Variants in WFDC8 observed in about 807,000 individuals in gnomAD.
WFDC8 encodes the protein WAP four-disulfide core domain protein 8.
A neutral mutation model predicts 27.0 loss-of-function variants in WFDC8; 24 were observed. The observed-to-expected ratio is 0.89, with a 90% CI of 0.64 to 1.25. The LOEUF (loss-of-function observed/expected upper bound fraction) is 1.25, where lower values mean the gene tolerates loss of function less well. Among genes scored for constraint, WFDC8 ranks in the 50% most tolerant of loss-of-function variants. The pLI is 0.00. For synonymous variants in WFDC8, 106 were observed against 99.7 expected (o/e 1.06, Z -0.38); for missense variants, 287 against 295.9 (o/e 0.97, Z 0.22).
intron 1 of WFDC8, among the ~76,000 whole-genome samples, chr20:45,566,846 T>C (rs1447379542): frequency 2.0e-5 from 3 of 152,266 alleles, no homozygotes; most frequent in East Asian, 3.9e-4. Flanking sequence ...CCAGGAACTC[T>C]CATGGATACC....
At chr20:45,566,636 C>T (rs1450345511) in intron 1 of WFDC8, among the ~76,000 whole-genome samples, 1 of 152,060 alleles carries the variant, frequency 6.6e-6, no homozygotes, top group Non-Finnish European at 1.5e-5. Flanking sequence ...GCACTCCAGC[C>T]TGGGCAACAG....
chr20:45,561,941 A>G (rs990515298), intron 2 of WFDC8, among the ~76,000 whole-genome samples, 169 bp downstream of exon 2: 3 of 152,110 alleles, frequency 2.0e-5, no homozygotes, highest in African/African-American at 7.2e-5. Context: ...TGGGGGGAGC[A>G]AGTAAGGAAA....
chr20:45,558,965 C>G lies in WFDC8; in HGVS notation c.164G>C (p.Arg55Thr). 3.1e-6 allele frequency: 5 copies of G among 1,614,164 alleles called. No homozygotes were observed. The highest frequency in any genetic ancestry group is 1.1e-5 in the South Asian group (1 of 91,076). ...CGGAAGTTCAGTGGTACAGGTGAGC[C>G]TCTCTTTGGGACATAACCCTGGTTT... ...KHKPGLCPKE[R>T]LTCTTELPDS... Residue 55 changes from arginine to threonine, a missense_variant, in exon 3 of 6, where the codon AGG becomes ACG. Coordinates refer to ENST00000289953, the MANE Select transcript of WFDC8 (RefSeq NM_130896.3).
intron 1 of WFDC8, among the ~76,000 whole-genome samples, chr20:45,571,419 AT>A (rs1193918680): frequency 1.6e-4 from 24 of 152,346 alleles, no homozygotes; most frequent in African/African-American, 5.8e-4. Flanking sequence ...GTATGTACAC[AT>A]TGCGGAATGG....
intron 1 of WFDC8, among the ~76,000 whole-genome samples, chr20:45,565,875 G>C (rs1261129072): frequency 6.6e-6 from 1 of 152,128 alleles, no homozygotes; most frequent in Non-Finnish European, 1.5e-5. Flanking sequence ...GACTGACTTT[G>C]CCAATTAGTT....
chr20:45,576,609 G>A (rs984635023), intron 1 of WFDC8, among the ~76,000 whole-genome samples: 6 of 151,068 alleles, frequency 4.0e-5, no homozygotes, highest in African/African-American at 1.2e-4. Context: ...TGTTGCCTAG[G>A]CTGGTCTTGA....
chr20:45,579,096 C>G, intron 1 of WFDC8, 126 bp downstream of exon 1: 1 of 868,122 alleles, frequency 1.2e-6, no homozygotes, highest in Non-Finnish European at 1.9e-6. Flanking sequence ...TTCTGTGGAA[C>G]CCCTCCTCAC....
chr20:45,560,487 C>T (rs1980427203), intron 2 of WFDC8, among the ~76,000 whole-genome samples: 1 of 152,184 alleles, frequency 6.6e-6, no homozygotes, highest in Non-Finnish European at 1.5e-5. Context: ...AATGTGTCTC[C>T]ATGATTCTAA....
chr20:45,570,324 A>T (rs1273975927), intron 1 of WFDC8, among the ~76,000 whole-genome samples: 4 of 152,224 alleles, frequency 2.6e-5, no homozygotes, highest in African/African-American at 9.6e-5. Flanking sequence ...AAATTTTCTA[A>T]CTGTTAAAGA....
intron 3 of WFDC8, among the ~76,000 whole-genome samples, chr20:45,558,170 A>G (rs1052239534): frequency 2.6e-5 from 4 of 152,172 alleles, no homozygotes; most frequent in African/African-American, 9.7e-5. Context: ...GCTTTCTGAC[A>G]GCACCCAATC....
At chr20:45,573,285 AT>A (rs1160277904) in intron 1 of WFDC8, among the ~76,000 whole-genome samples, 1 of 152,032 alleles carries the variant, frequency 6.6e-6, no homozygotes, top group African/African-American at 2.4e-5. Flanking sequence ...TTTTGAGTTG[AT>A]TTTTTTAAAT....
At chr20:45,554,767 C>T (rs963469369) in intron 4 of WFDC8, among the ~76,000 whole-genome samples, 6 of 152,182 alleles carry the variant, frequency 3.9e-5, no homozygotes, top group Admixed American at 1.3e-4. Context: ...TTGCCTTGGC[C>T]GTTCAGGCCC....
intron 1 of WFDC8, among the ~76,000 whole-genome samples, chr20:45,562,492 T>C (rs1294412063): frequency 6.6e-6 from 1 of 151,990 alleles, no homozygotes; most frequent in African/African-American, 2.4e-5. Context: ...TGTTCCTGGG[T>C]AAAAGGCCAC....
intron 4 of WFDC8, among the ~76,000 whole-genome samples, chr20:45,554,619 G>A (rs1980171580): frequency 6.6e-6 from 1 of 152,118 alleles, no homozygotes; most frequent in Admixed American, 6.6e-5. Context: ...CCACAAACCA[G>A]CCCAAGCCCA....
chr20:45,564,961 GA>G (rs2145570654), intron 1 of WFDC8, among the ~76,000 whole-genome samples: 1 of 88,528 alleles, frequency 1.1e-5, no homozygotes, highest in African/African-American at 4.3e-5. Flanking sequence ...AGGAAGGAAG[GA>G]AGGAAAGAAA....
rs1981096513 is a variant in WFDC8 at position 45,577,799 on chromosome 20, GA to G, written c.26+1422del. Among the ~76,000 whole-genome samples the G allele has an allele frequency of 1.3e-5, 2 of 149,014 alleles. 1 individual carries two copies. The highest frequency in any genetic ancestry group is 3.0e-5 in the Non-Finnish European group (2 of 66,790). ...AGGCAGGCAGATCACCTGTGGTCAG[GA>G]GTTCAAGACTAGCCTGGCCAACACG... On this transcript the variant is annotated intron_variant, in intron 1 of 5. Coordinates refer to ENST00000289953, the MANE Select transcript of WFDC8 (RefSeq NM_130896.3).
At chr20:45,564,752 G>T (rs1272777216) in intron 1 of WFDC8, among the ~76,000 whole-genome samples, 3 of 151,726 alleles carry the variant, frequency 2.0e-5, no homozygotes, top group East Asian at 3.9e-4. Context: ...TGAGCTGGGA[G>T]AATCACTTGA....
intron 5 of WFDC8, 79 bp downstream of exon 5, chr20:45,553,057 C>T: frequency 6.6e-7 from 1 of 1,521,502 alleles, no homozygotes; most frequent in South Asian, 1.3e-5. Flanking sequence ...AGGTTCAAGA[C>T]ACCCCCCACT....
chr20:45,559,954 A>G (rs1980408526), intron 2 of WFDC8: 1 of 152,154 alleles, frequency 6.6e-6, no homozygotes, highest in Non-Finnish European at 1.5e-5. Context: ...CACCCTCAAG[A>G]TTCCCATCTT....
Sources: gnomAD v4.1 joint callset for allele counts (sites outside exome capture counted in the v4.1 genomes callset) on GRCh38, gnomAD v4.1.1 for gene constraint, MANE v1.5 for transcripts, NCBI Gene and HGNC (gene_info 2026-07-23, HGNC 2026-07-21) for gene names.